TMPRSS5: variants seen among roughly 807,000 people sequenced by gnomAD.
TMPRSS5 encodes the protein transmembrane protease serine 5.
TMPRSS5 carries 45 observed loss-of-function variants against 59.7 expected under a neutral mutation model. The observed-to-expected ratio is 0.75, with a 90% CI of 0.59 to 0.97. TMPRSS5 has a LOEUF of 0.97. TMPRSS5 is among the 50% of genes least tolerant of loss of function. The probability of loss-of-function intolerance (pLI) is 0.00; values close to 1 mark genes in which losing one functional copy is unlikely to be tolerated. For synonymous variants in TMPRSS5, 225 were observed against 232.0 expected (o/e 0.97, Z 0.27); for missense variants, 585 against 596.7 (o/e 0.98, Z 0.20).
Position 113,699,870 on chromosome 11 carries a change from A to C in TMPRSS5, c.107-177T>G. 4.8e-6 allele frequency: 7 copies of C among 1,462,984 alleles called. 1 individual carries two copies. The highest frequency in any genetic ancestry group is 6.4e-6 in the Non-Finnish European group (7 of 1,085,646). The allele number at this position is 1,462,984 out of a possible 1,614,324, so 90.6% of individuals were successfully genotyped here. ...GGCAGGGGAGGATGGAGAGGGCCTGATCACTGAAGCCCACAAATCCCACTC... is the reference window on the plus strand; with the variant it reads ...GGCAGGGGAGGATGGAGAGGGCCTGCTCACTGAAGCCCACAAATCCCACTC... On this transcript the variant is annotated intron_variant, in intron 2 of 12. Transcript: ENST00000299882.
intron 1 of TMPRSS5, 83 bp downstream of exon 1, chr11:113,706,139 C>G: frequency 6.6e-7 from 1 of 1,522,258 alleles, no homozygotes; most frequent in Non-Finnish European, 8.9e-7. Context: ...TTTCCACCAG[C>G]CTAGAATCCC....
In TMPRSS5 at chr11:113,691,859, G is replaced by A. The variant is rs116766397; in HGVS notation, c.965-920C>T. Among the ~76,000 whole-genome samples the A allele has an allele frequency of 7.1e-3, 1,038 of 145,706 alleles. 15 individuals carry two copies. Among genetic ancestry groups the A allele is most frequent in the African/African-American group, 0.025 (972 of 39,008 alleles). ...TTTTCTTTTAAATACACTTATTTCG[G>A]TCAACTAAGAAAGTTTTCTTTTCCT... On this transcript the variant is annotated intron_variant, in intron 9 of 12. Transcript: ENST00000299882.
At chr11:113,701,186 C>G (rs993549419) in intron 1 of TMPRSS5, among the ~76,000 whole-genome samples, 5 of 152,092 alleles carry the variant, frequency 3.3e-5, no homozygotes, top group Admixed American at 3.3e-4. Context: ...TGTAAAGATA[C>G]CTAAATATGT....
In TMPRSS5 at chr11:113,696,984, A is replaced by G; in HGVS notation, c.465-13T>C. 1 of 1,543,624 alleles carries G rather than the reference A, an allele frequency of 6.5e-7. No homozygotes were observed. The highest frequency in any genetic ancestry group is 8.8e-7 in the Non-Finnish European group (1 of 1,135,370). ...GTGGTGAGTGAGTCTTGGCAGAAGA[A>G]GGGAATAGAACAGGAGGAAATCATA... On this transcript the variant is annotated splice_polypyrimidine_tract_variant and intron_variant, in intron 5 of 12. Transcript: ENST00000299882.
rs537513817 is a variant in TMPRSS5 at position 113,695,388 on chromosome 11, G to A, written c.622+12C>T. The stretch of plus-strand genomic sequence containing the variant: ...CTCACCGCCACCTCCCCTAGACCAA[G>A]ATATGACTCACCAGAGCATCTGAGG... On this transcript the variant is annotated intron_variant, in intron 7 of 12. Transcript: ENST00000299882. The A allele has an allele frequency of 1.2e-6, 2 of 1,613,884 alleles. No homozygotes were observed. Among genetic ancestry groups the A allele is most frequent in the South Asian group, 1.1e-5 (1 of 91,060 alleles).
intron 3 of TMPRSS5, among the ~76,000 whole-genome samples, chr11:113,699,313 G>T (rs1953052270): frequency 8.3e-6 from 1 of 120,672 alleles, no homozygotes; most frequent in East Asian, 2.7e-4. Flanking sequence ...CTCTCTAGCT[G>T]TCTCTCAGTA....
intron 1 of TMPRSS5, among the ~76,000 whole-genome samples, chr11:113,704,669 C>T (rs1953237494): frequency 6.6e-6 from 1 of 152,176 alleles, no homozygotes; most frequent in African/African-American, 2.4e-5. Context: ...ATGTAACTGA[C>T]TCCAACTGAC....
chr11:113,699,794 C>T lies in TMPRSS5; in HGVS notation c.107-101G>A, dbSNP rs1173299925. 4.1e-5 allele frequency: 58 copies of T among 1,406,388 alleles called. 1 individual carries two copies. Among genetic ancestry groups the T allele is most frequent in the Non-Finnish European group, 5.5e-5 (56 of 1,020,268 alleles). The allele number at this position is 1,406,388 out of a possible 1,614,324, so 87.1% of individuals were successfully genotyped here. A position where few individuals can be genotyped will look rare whatever the true frequency, so the allele number is the denominator to read the frequency against. ...ATGGGGCTAGGCACCCACAGAGCTC[C>T]AACAGGACACCTCCTCCTGCCCCAT... On this transcript the variant is annotated intron_variant, in intron 2 of 12. Transcript: ENST00000299882.
intron 8 of TMPRSS5, 68 bp from the exon 9 acceptor site, chr11:113,693,317 G>A: frequency 1.4e-6 from 2 of 1,434,004 alleles, no homozygotes; most frequent in Non-Finnish European, 1.8e-6. Context: ...CAAGGTAGCA[G>A]GTGGAGGAAG....
At position 113,688,226 on chromosome 11, in the gene TMPRSS5, TG is replaced by T. The variant is rs371377044; in HGVS notation, c.*33del. ...GGAGGCCCCAGGAAGCATGAGGCAG[TG>T]GTGTGCAGTGAGACTGGAGGAAACA... On this transcript the variant is annotated 3_prime_UTR_variant, in exon 13 of 13. Coordinates refer to ENST00000299882, the MANE Select transcript of TMPRSS5 (RefSeq NM_030770.4). 2 of 1,571,118 alleles carry T rather than the reference TG, an allele frequency of 1.3e-6. No individual in the cohort carries two copies. Among genetic ancestry groups the T allele is most frequent in the African/African-American group, 2.7e-5 (2 of 73,862 alleles).
chr11:113,701,711 C>T (rs1953139326), intron 1 of TMPRSS5, among the ~76,000 whole-genome samples: 1 of 152,088 alleles, frequency 6.6e-6, no homozygotes, highest in Non-Finnish European at 1.5e-5. Flanking sequence ...ATCTGTTTCT[C>T]TCACTGTATA....
intron 1 of TMPRSS5, among the ~76,000 whole-genome samples, chr11:113,704,727 A>G (rs575896038): frequency 2.6e-4 from 39 of 152,102 alleles, no homozygotes; most frequent in African/African-American, 8.4e-4. Context: ...GCTTCCTTCT[A>G]TGCATACAGC....
In TMPRSS5 at chr11:113,693,091, TG is replaced by T. The variant is rs1403801568; in HGVS notation, c.943del (p.Gln315ArgfsTer95). ...CGCACCTGAGAAGTTGAGAGCGGTCTGGAGCCTCAGGAGGGCGACGTCGTAG... is the reference window on the plus strand; with the variant it reads ...CGCACCTGAGAAGTTGAGAGCGGTCTGAGCCTCAGGAGGGCGACGTCGTAG... ...HDYDVALLRL[Q>X]TALNFSDTVG... On this transcript the variant is annotated frameshift_variant, in exon 9 of 13. Transcript: ENST00000299882. LOFTEE classifies it high-confidence loss of function. 14 of 1,573,418 alleles carry T rather than the reference TG, an allele frequency of 8.9e-6. No homozygotes were observed. The highest frequency in any genetic ancestry group is 1.1e-5 in the Non-Finnish European group (13 of 1,158,564).
At chr11:113,689,986 C>T in intron 11 of TMPRSS5, 69 bp from the exon 12 acceptor site, 2 of 1,439,358 alleles carry the variant, frequency 1.4e-6, no homozygotes. Flanking sequence ...AGCACCAGAC[C>T]ACTATGGCAA....
intron 1 of TMPRSS5, among the ~76,000 whole-genome samples, chr11:113,701,718 T>A (rs1354485897): frequency 2.0e-5 from 3 of 152,176 alleles, no homozygotes; most frequent in African/African-American, 7.2e-5. Flanking sequence ...TCTCTCACTG[T>A]ATATTAGAGT....
intron 11 of TMPRSS5, 52 bp downstream of exon 11, chr11:113,690,176 GCCC>G: frequency 3.1e-4 from 121 of 388,152 alleles, no homozygotes; most frequent in Middle Eastern, 7.4e-4. Context: ...CAGGCCCCCT[GCCC>G]TCCCACCCCC....
intron 4 of TMPRSS5, among the ~76,000 whole-genome samples, chr11:113,698,094 G>A (rs1265300607): frequency 1.3e-5 from 2 of 152,164 alleles, no homozygotes; most frequent in Admixed American, 1.3e-4. Context: ...GGCCCGGGGA[G>A]TACACAGGCA....
Position 113,690,337 on chromosome 11 carries a change from G to A in TMPRSS5, c.1100C>T (p.Pro367Leu), listed in dbSNP as rs1952737446. ...SSDMLQDTVV[P>L]LFSTQLCNSS... is the part of the protein sequence containing the mutation. Reference sequence around the variant, plus strand: ...GTTGCAGAGCTGAGTGCTGAACAAGGGCACCACCGTGTCCTGGAGCATATC... The same window carrying A: ...GTTGCAGAGCTGAGTGCTGAACAAGAGCACCACCGTGTCCTGGAGCATATC... Residue 367 changes from proline (P) to leucine (L), a missense_variant, in exon 11 of 13, where the codon CCC (proline) becomes CTC (leucine). Pro to Leu is a moderately conservative substitution (Grantham distance 98). Coordinates refer to ENST00000299882, the MANE Select transcript of TMPRSS5 (RefSeq NM_030770.4). 1 of 1,604,748 alleles carries A rather than the reference G, an allele frequency of 6.2e-7. No individual in the cohort carries two copies. Among genetic ancestry groups the A allele is most frequent in the Non-Finnish European group, 8.5e-7 (1 of 1,176,460 alleles).
chr11:113,700,350 C>T (rs1953098134), intron 1 of TMPRSS5, among the ~76,000 whole-genome samples, 182 bp from the exon 2 acceptor site: 1 of 152,182 alleles, frequency 6.6e-6, no homozygotes. Flanking sequence ...CTCCCCTGTG[C>T]CCTCCTGGGG....
Sources: gnomAD v4.1 joint callset for allele counts (sites outside exome capture counted in the v4.1 genomes callset) on GRCh38, gnomAD v4.1.1 for gene constraint, MANE v1.5 for transcripts, NCBI Gene and HGNC (gene_info 2026-07-23, HGNC 2026-07-21) for gene names.